MSRB3: variants seen among roughly 807,000 people sequenced by gnomAD.
MSRB3 encodes methionine-R-sulfoxide reductase B3.
Under a neutral mutation model 21.0 loss-of-function variants are expected in MSRB3, and 13 were observed. The ratio of observed to expected loss-of-function variants is 0.62; its 90% CI spans 0.40 to 0.98. The LOEUF is 0.98. MSRB3 is among the 50% of genes least tolerant of loss of function. MSRB3 has a pLI of 0.00. For synonymous variants in MSRB3, 87 were observed against 88.6 expected (o/e 0.98, Z 0.10); for missense variants, 199 against 230.3 (o/e 0.86, Z 0.88).
intron 5 of MSRB3, among the ~76,000 whole-genome samples, chr12:65,380,950 A>AT (rs1168750865): frequency 6.6e-6 from 1 of 152,220 alleles, no homozygotes; most frequent in Non-Finnish European, 1.5e-5. Flanking sequence ...CCCACATGAC[A>AT]TACTTGCTCA....
At chr12:65,324,057 CA>C (rs1454567930) in intron 2 of MSRB3, among the ~76,000 whole-genome samples, 1 of 152,034 alleles carries the variant, frequency 6.6e-6, no homozygotes, top group South Asian at 2.1e-4. Flanking sequence ...TGAAAATGTA[CA>C]AAGTTTGACA....
intron 4 of MSRB3, among the ~76,000 whole-genome samples, chr12:65,351,974 T>G (rs1210940495): frequency 6.6e-6 from 1 of 152,104 alleles, no homozygotes; most frequent in Non-Finnish European, 1.5e-5. Flanking sequence ...GAGGCCAGCA[T>G]CATTCTGATA....
intron 4 of MSRB3, among the ~76,000 whole-genome samples, chr12:65,356,413 G>A (rs1877386522): frequency 2.0e-5 from 3 of 151,780 alleles, no homozygotes; most frequent in Non-Finnish European, 1.5e-5. Context: ...TAACAGTGCT[G>A]CTTAAAAACT....
At chr12:65,292,582 A>G (rs1872724762) in intron 1 of MSRB3, among the ~76,000 whole-genome samples, 2 of 151,940 alleles carry the variant, frequency 1.3e-5, no homozygotes, top group South Asian at 4.1e-4. Flanking sequence ...CAGGGCTCTG[A>G]TATTTACTTT....
rs559645379 is a variant in MSRB3, at chr12:65,310,515, G to A, written c.76+1860G>A. ...GGAGGTTATTTAGATTATACATAATGATGTTTTCCTCTGGAAAAAGCTCCA... is the reference window on the plus strand; with the variant it reads ...GGAGGTTATTTAGATTATACATAATAATGTTTTCCTCTGGAAAAAGCTCCA... On this transcript the variant is annotated intron_variant, in intron 2 of 6. Transcript: ENST00000308259. Among the ~76,000 whole-genome samples, 4 of 141,996 alleles carry A rather than the reference G, an allele frequency of 2.8e-5. No individual in the cohort carries two copies. In the South Asian group the frequency reaches 7.0e-4, roughly 25 times the overall value. The allele number at this position is 141,996 out of a possible 152,430, so 93.2% of individuals were successfully genotyped here. A position where few individuals can be genotyped will look rare whatever the true frequency, so the allele number is the denominator to read the frequency against.
Position 65,278,777 on chromosome 12 carries a change from G to A in MSRB3, c.-140G>A. ...GGCTGCCTGGCCTTTCCATGAGCCC[G>A]CGGCGGACCCTCCCGCGCCCCCTCT... On this transcript the variant is annotated 5_prime_UTR_variant, in exon 1 of 7. Transcript: ENST00000308259. 1 of 1,577,432 alleles carries A rather than the reference G, an allele frequency of 6.3e-7. No homozygotes were observed.
intron 2 of MSRB3, 159 bp downstream of exon 2, chr12:65,308,814 G>A: frequency 1.1e-6 from 1 of 896,080 alleles, no homozygotes; most frequent in South Asian, 1.4e-5. Context: ...ACTCTACTTT[G>A]AGTAACATTC....
intron 2 of MSRB3, among the ~76,000 whole-genome samples, chr12:65,317,230 T>G (rs1565829440): frequency 6.6e-6 from 1 of 152,126 alleles, no homozygotes; most frequent in Non-Finnish European, 1.5e-5. Context: ...GTAAAATGGA[T>G]CTCATCATGA....
At chr12:65,426,669 C>T (rs1346219122) in intron 5 of MSRB3, among the ~76,000 whole-genome samples, 2 of 152,164 alleles carry the variant, frequency 1.3e-5, no homozygotes, top group Non-Finnish European at 2.9e-5. Context: ...TCCCCCAAAT[C>T]CTATAGCATG....
rs939838868 is a variant in MSRB3, at chr12:65,308,737, C to G, written c.76+82C>G. ...CTGCAGGAAATGATACACCATCATG[C>G]TTTGCTAAATTTCATTTTCTTTTAC... On this transcript the variant is annotated intron_variant, in intron 2 of 6. Coordinates refer to ENST00000308259, the MANE Select transcript of MSRB3 (RefSeq NM_001031679.3). 33 of 1,590,260 alleles carry G rather than the reference C, an allele frequency of 2.1e-5. No homozygotes were observed. The Middle Eastern group carries it at 5.1e-4, about 24-fold the overall frequency.
chr12:65,344,172 A>C (rs1876331131), intron 4 of MSRB3: 1 of 152,132 alleles, frequency 6.6e-6, no homozygotes, highest in African/African-American at 2.4e-5. Flanking sequence ...AGTTTTCAGA[A>C]CAAAGGTTCA....
intron 5 of MSRB3, among the ~76,000 whole-genome samples, chr12:65,452,655 A>G (rs748098314): frequency 1.3e-5 from 2 of 152,148 alleles, no homozygotes; most frequent in African/African-American, 2.4e-5. Context: ...ATACTCTTGC[A>G]TCGTGGAGGA....
chr12:65,309,104 C>T, intron 2 of MSRB3: 1 of 184,916 alleles, frequency 5.4e-6, no homozygotes, highest in Admixed American at 5.3e-5. Flanking sequence ...ATTAAGTTAC[C>T]AATTTATTGT....
At chr12:65,444,338 GAAC>G (rs1396108597) in intron 5 of MSRB3, among the ~76,000 whole-genome samples, 2 of 152,052 alleles carry the variant, frequency 1.3e-5, no homozygotes, top group Non-Finnish European at 2.9e-5. Context: ...AGATAATTAG[GAAC>G]AACAACAAAC....
At chr12:65,319,017 T>C (rs1259136153) in intron 2 of MSRB3, among the ~76,000 whole-genome samples, 1 of 152,194 alleles carries the variant, frequency 6.6e-6, no homozygotes, top group Non-Finnish European at 1.5e-5. Context: ...ACTTCTATTG[T>C]TTCCCAACAA....
rs1883443702 is a variant in MSRB3 at position 65,463,835 on chromosome 12, T to TA, written c.*513_*514insA. 1 of 157,892 alleles carries TA rather than the reference T, an allele frequency of 6.3e-6. No homozygotes were observed. The highest frequency in any genetic ancestry group is 1.4e-5 in the Non-Finnish European group (1 of 71,620). 9.8% of individuals were successfully genotyped at this position (157,892 alleles called of 1,614,324 possible). A position where few individuals can be genotyped will look rare whatever the true frequency, so the allele number is the denominator to read the frequency against. ...TGGAAAGTTTGAGCTAAGGTCATTTTTTTTTTTCTCACTGAAAGGGTGTGA... is the reference window on the plus strand; with the variant it reads ...TGGAAAGTTTGAGCTAAGGTCATTTTATTTTTTTCTCACTGAAAGGGTGTGA... On this transcript the variant is annotated 3_prime_UTR_variant, in exon 7 of 7. Transcript: ENST00000308259.
chr12:65,457,540 G>T (rs553206102), intron 6 of MSRB3, among the ~76,000 whole-genome samples: 1 of 152,184 alleles, frequency 6.6e-6, no homozygotes, highest in East Asian at 1.9e-4. Context: ...TCCCTGCAAA[G>T]GACATGAACT....
At chr12:65,360,226 T>A (rs548556078) in intron 4 of MSRB3, among the ~76,000 whole-genome samples, 2 of 152,260 alleles carry the variant, frequency 1.3e-5, no homozygotes, top group South Asian at 4.1e-4. Flanking sequence ...GGTTAAAATA[T>A]CAACATACGA....
chr12:65,376,597 G>C (rs1282704967), intron 5 of MSRB3, among the ~76,000 whole-genome samples: 4 of 151,790 alleles, frequency 2.6e-5, no homozygotes, highest in African/African-American at 9.7e-5. Context: ...ACCAAACACT[G>C]CATGTTCTCA....
Sources: allele counts gnomAD v4.1 joint callset (sites outside exome capture counted in the v4.1 genomes callset), GRCh38; gene constraint gnomAD v4.1.1; transcripts MANE v1.5; gene names NCBI Gene and HGNC (gene_info 2026-07-23, HGNC 2026-07-21).